SLAIN2: variants seen among roughly 807,000 people sequenced by gnomAD.
SLAIN2 encodes SLAIN motif-containing protein 2.
Under a neutral mutation model 56.6 loss-of-function variants are expected in SLAIN2, and 31 were observed. That is an observed-to-expected ratio of 0.55 (90% confidence interval 0.41 to 0.74). The LOEUF (loss-of-function observed/expected upper bound fraction) is 0.74, where lower values mean the gene tolerates loss of function less well. SLAIN2 is among the 30% of genes least tolerant of loss of function. SLAIN2 has a pLI of 0.00. For missense variants in SLAIN2, 777 were observed against 754.2 expected, an observed-to-expected ratio of 1.03 and a Z score of -0.35; for synonymous variants, 317 against 284.9, an observed-to-expected ratio of 1.11 and a Z score of -1.13.
chr4:48,369,744 A>C, intron 1 of SLAIN2, 105 bp from the exon 2 acceptor site: 1 of 975,572 alleles, frequency 1.0e-6, no homozygotes, highest in Middle Eastern at 2.3e-4. Flanking sequence ...ATACTCCATG[A>C]CTTTTACTCC....
intron 4 of SLAIN2, among the ~76,000 whole-genome samples, chr4:48,381,064 G>A (rs1052639679): frequency 4.6e-5 from 7 of 152,110 alleles, no homozygotes; most frequent in African/African-American, 1.7e-4. Flanking sequence ...TTGTCAGCTG[G>A]TTAGGGGGTG....
intron 2 of SLAIN2, among the ~76,000 whole-genome samples, chr4:48,371,109 G>GTTTTT (rs71660447): frequency 7.1e-6 from 1 of 140,390 alleles, no homozygotes. Context: ...TTTTTGTTTT[G>GTTTTT]TTTTTTTTTT....
At chr4:48,402,284 C>G (rs761365559) in intron 6 of SLAIN2, among the ~76,000 whole-genome samples, 15 of 151,052 alleles carry the variant, frequency 9.9e-5, no homozygotes, top group Non-Finnish European at 2.2e-4. Context: ...GAGTATCTTA[C>G]TAGGGTTCTC....
chr4:48,396,541 A>C (rs188519468), intron 6 of SLAIN2, among the ~76,000 whole-genome samples: 2 of 152,278 alleles, frequency 1.3e-5, no homozygotes, highest in African/African-American at 4.8e-5. Context: ...CCTCATATCG[A>C]GACATTAAAG....
chr4:48,401,077 C>G (rs1195524047), intron 6 of SLAIN2, among the ~76,000 whole-genome samples: 3 of 152,108 alleles, frequency 2.0e-5, no homozygotes, highest in Non-Finnish European at 4.4e-5. Flanking sequence ...ACAGGTTGTT[C>G]ACTTTCCATG....
At chr4:48,351,362 A>G (rs1715004783) in intron 1 of SLAIN2, among the ~76,000 whole-genome samples, 1 of 152,230 alleles carries the variant, frequency 6.6e-6, no homozygotes, top group African/African-American at 2.4e-5. Context: ...AGATACAGAA[A>G]GAGTACTTTA....
At chr4:48,380,295 T>C (rs1422114652) in intron 4 of SLAIN2, among the ~76,000 whole-genome samples, 1 of 152,126 alleles carries the variant, frequency 6.6e-6, no homozygotes, top group African/African-American at 2.4e-5. Context: ...CCACAAGATA[T>C]ACTCTATATA....
intron 1 of SLAIN2, among the ~76,000 whole-genome samples, chr4:48,359,237 A>T (rs1457616226): frequency 1.3e-5 from 2 of 152,152 alleles, no homozygotes; most frequent in African/African-American, 4.8e-5. Flanking sequence ...CGTTGTGAAG[A>T]CAGTGTCTGT....
chr4:48,403,269 C>G (rs1220240111), intron 6 of SLAIN2, among the ~76,000 whole-genome samples: 2 of 152,166 alleles, frequency 1.3e-5, no homozygotes, highest in East Asian at 3.9e-4. Flanking sequence ...GGGGGATCCC[C>G]TTTTGTCCAG....
chr4:48,383,017 A>T, intron 5 of SLAIN2, 90 bp downstream of exon 5: 1 of 1,362,718 alleles, frequency 7.3e-7, no homozygotes, highest in Non-Finnish European at 9.7e-7. Context: ...AAATTTTCAA[A>T]ATTAGCTGGG....
chr4:48,346,248 C>G (rs1714861630), intron 1 of SLAIN2, among the ~76,000 whole-genome samples: 1 of 151,990 alleles, frequency 6.6e-6, no homozygotes, highest in Admixed American at 6.5e-5. Context: ...TTATTTTTCT[C>G]TTTAGAAGTC....
In SLAIN2 at chr4:48,341,607, G is replaced by A; in HGVS notation, c.-133G>A. ...GAACCCGAGGTGGGGGGACCCTGGC[G>A]GTGGGGCCTGGTCCTGCTATATGCC... is the stretch of plus-strand genomic sequence containing the variant. On this transcript the variant is annotated 5_prime_UTR_variant, in exon 1 of 8. Coordinates refer to ENST00000264313, the MANE Select transcript of SLAIN2 (RefSeq NM_020846.2). 7.6e-7 allele frequency: 1 copy of A among 1,311,652 alleles called. No individual in the cohort carries two copies. The highest frequency in any genetic ancestry group is 9.9e-7 in the Non-Finnish European group (1 of 1,010,596). The allele number at this position is 1,311,652 out of a possible 1,614,324, so 81.3% of individuals were successfully genotyped here.
chr4:48,400,469 T>C (rs1431630134), intron 6 of SLAIN2, among the ~76,000 whole-genome samples: 1 of 144,002 alleles, frequency 6.9e-6, no homozygotes, highest in Non-Finnish European at 1.5e-5. Flanking sequence ...TAATCTTGGC[T>C]CACTGCAAGC....
chr4:48,368,286 C>T (rs934346125), intron 1 of SLAIN2, among the ~76,000 whole-genome samples: 6 of 151,966 alleles, frequency 3.9e-5, no homozygotes, highest in African/African-American at 1.5e-4. Context: ...GTCTTGAACT[C>T]CTGACCTCAG....
rs770822593 is a variant in SLAIN2 at position 48,383,617 on chromosome 4, GA to G, written c.1223-29del. 2.7e-6 allele frequency: 4 copies of G among 1,474,084 alleles called. No individual in the cohort carries two copies. The South Asian group carries it at 4.2e-5, about 15-fold the overall frequency. 91.3% of individuals were successfully genotyped at this position (1,474,084 alleles called of 1,614,324 possible). A position where few individuals can be genotyped will look rare whatever the true frequency, so the allele number is the denominator to read the frequency against. The stretch of plus-strand genomic sequence containing the variant: ...TAATTTTCTCCATCTGAAAGAATAT[GA>G]TTTTTTTAAAATTAAAATTCTGTTG... On this transcript the variant is annotated intron_variant, in intron 5 of 7. Transcript: ENST00000264313.
intron 1 of SLAIN2, among the ~76,000 whole-genome samples, chr4:48,360,031 A>G (rs1715275743): frequency 2.0e-5 from 3 of 151,902 alleles, no homozygotes; most frequent in African/African-American, 7.3e-5. Flanking sequence ...GTGCGCACCT[A>G]TAATCCCAGC....
chr4:48,360,918 G>A (rs1244137673), intron 1 of SLAIN2, among the ~76,000 whole-genome samples: 2 of 152,178 alleles, frequency 1.3e-5, no homozygotes, highest in Admixed American at 1.3e-4. Context: ...TGAAGTTCAT[G>A]TGTAGCATTT....
chr4:48,363,949 C>T (rs868532301), intron 1 of SLAIN2, among the ~76,000 whole-genome samples: 105 of 105,532 alleles, frequency 9.9e-4, no homozygotes, highest in Middle Eastern at 7.6e-3. Context: ...CCCTCCCGGA[C>T]GGGGCGGCTG....
At chr4:48,355,344 G>T (rs1715130303) in intron 1 of SLAIN2, among the ~76,000 whole-genome samples, 1 of 152,178 alleles carries the variant, frequency 6.6e-6, no homozygotes, top group Admixed American at 6.5e-5. Flanking sequence ...TTCTTGAGAA[G>T]CTTAGAATCC....
Sources: gnomAD v4.1 joint callset for allele counts (sites outside exome capture counted in the v4.1 genomes callset) on GRCh38, gnomAD v4.1.1 for gene constraint, MANE v1.5 for transcripts, NCBI Gene and HGNC (gene_info 2026-07-23, HGNC 2026-07-21) for gene names.